Variants in CLTC observed in about 807,000 individuals in gnomAD.
CLTC encodes the protein clathrin heavy chain 1.
A neutral mutation model predicts 195.8 loss-of-function variants in CLTC; 16 were observed. That is an observed-to-expected ratio of 0.08 (90% CI 0.06 to 0.12). The LOEUF is 0.12. Among genes scored for constraint, CLTC ranks in the 10% least tolerant of loss-of-function variants. The probability of loss-of-function intolerance (pLI) is 1.00; values close to 1 mark genes in which losing one functional copy is unlikely to be tolerated. For missense variants in CLTC, 796 were observed against 2,027.0 expected (o/e 0.39, Z 11.66); for synonymous variants, 667 against 689.4 (o/e 0.97, Z 0.51).
At chr17:59,631,068 G>C (rs1407897259) in intron 1 of CLTC, among the ~76,000 whole-genome samples, 1 of 152,188 alleles carries the variant, frequency 6.6e-6, no homozygotes, top group African/African-American at 2.4e-5. Context: ...ACAGCTTTTT[G>C]GGGTGTTGGG....
intron 1 of CLTC, among the ~76,000 whole-genome samples, chr17:59,622,754 G>C (rs568092990): frequency 6.6e-6 from 1 of 152,262 alleles, no homozygotes; most frequent in East Asian, 1.9e-4. Context: ...AAAACTTTCT[G>C]AAACACGTAG....
rs760199279 is a variant in CLTC, at chr17:59,644,422, A to G, written c.189A>G (p.Arg63=). 12 of 1,614,190 alleles carry G rather than the reference A, an allele frequency of 7.4e-6. No individual in the cohort carries two copies. The South Asian group carries it at 1.3e-4, about 18-fold the overall frequency. Residue 63 remains arginine (R), a synonymous_variant, in exon 2 of 32, where the codon CGA becomes CGG. Coordinates refer to ENST00000269122, the MANE Select transcript of CLTC (RefSeq NM_004859.4). ...IDMNDPSNPI[R]RPISADSAIM... ...TGAATGACCCAAGTAATCCAATTCGAAGACCAATTTCAGCAGACAGCGCCA... is the reference window on the plus strand; with the variant it reads ...TGAATGACCCAAGTAATCCAATTCGGAGACCAATTTCAGCAGACAGCGCCA...
chr17:59,651,755 C>G (rs1030677827), intron 5 of CLTC, among the ~76,000 whole-genome samples: 2 of 152,198 alleles, frequency 1.3e-5, no homozygotes, highest in Non-Finnish European at 2.9e-5. Context: ...AGTCTTTTCT[C>G]AATGTCGATG....
intron 3 of CLTC, among the ~76,000 whole-genome samples, chr17:59,647,883 A>G (rs1196122796): frequency 6.6e-6 from 1 of 151,672 alleles, no homozygotes; most frequent in Non-Finnish European, 1.5e-5. Context: ...ATATAATTTC[A>G]GAATGCTCTT....
intron 5 of CLTC, among the ~76,000 whole-genome samples, chr17:59,651,939 G>T (rs1418697525): frequency 6.6e-6 from 1 of 152,212 alleles, no homozygotes; most frequent in Non-Finnish European, 1.5e-5. Flanking sequence ...ATTGGAGTCA[G>T]TTCTTTCAAA....
chr17:59,683,622 T>C lies in CLTC; in HGVS notation c.4192-3T>C. The C allele has an allele frequency of 6.2e-7, 1 of 1,614,058 alleles. No individual in the cohort carries two copies. The highest frequency in any genetic ancestry group is 8.5e-7 in the Non-Finnish European group (1 of 1,179,926). On this transcript the variant is annotated splice_polypyrimidine_tract_variant and splice_region_variant and intron_variant, in intron 26 of 31. Coordinates refer to ENST00000269122, the MANE Select transcript of CLTC (RefSeq NM_004859.4). This position sits in a 1 kb window ranked among gnomAD's most constrained non-coding sequence, Gnocchi z 6.1. ...GACTTATGTATGGATTTTCCCATTG[T>C]AGGTTGCCAATGTGGAACTATACTA...
chr17:59,641,853 A>G (rs2032045076), intron 1 of CLTC, among the ~76,000 whole-genome samples: 2 of 151,726 alleles, frequency 1.3e-5, no homozygotes, highest in Middle Eastern at 3.2e-3. Context: ...TATTTACCTT[A>G]TTTTTTAAAG....
chr17:59,673,898 T>TG, intron 15 of CLTC, 126 bp downstream of exon 15: 1 of 558,412 alleles, frequency 1.8e-6, no homozygotes, highest in East Asian at 3.1e-5. Context: ...TGGGATTTTT[T>TG]GTTTTTGTTT....
chr17:59,676,223 C>G (rs548547852), intron 16 of CLTC, among the ~76,000 whole-genome samples: 1 of 152,120 alleles, frequency 6.6e-6, no homozygotes, highest in Non-Finnish European at 1.5e-5. Flanking sequence ...GAGGCATGGT[C>G]ATCAGGACTA....
intron 31 of CLTC, among the ~76,000 whole-genome samples, chr17:59,692,871 C>CTA (rs2033339434): frequency 6.6e-6 from 1 of 152,120 alleles, no homozygotes; most frequent in African/African-American, 2.4e-5. Flanking sequence ...AACTCCTGAC[C>CTA]TAATGATCCA....
intron 6 of CLTC, 64 bp from the exon 7 acceptor site, chr17:59,660,327 A>C: frequency 2.8e-6 from 4 of 1,421,174 alleles, no homozygotes; most frequent in Non-Finnish European, 4.0e-6. Flanking sequence ...TGTTCTAAAC[A>C]GATTTGGTAT....
In CLTC at chr17:59,651,132, C is replaced by T. The variant is rs1012542548; in HGVS notation, c.682-71C>T. 3.2e-6 allele frequency: 3 copies of T among 926,056 alleles called. No homozygotes were observed. The Admixed American group carries it at 6.4e-5, about 20-fold the overall frequency. 57.4% of individuals were successfully genotyped at this position (926,056 alleles called of 1,614,324 possible). On this transcript the variant is annotated intron_variant, in intron 4 of 31. Transcript: ENST00000269122. ...CATGTTGGTTGTTTCCATTTGGGGG[C>T]TACAAATAAAGCTGCTGTGATCAAC...
intron 1 of CLTC, among the ~76,000 whole-genome samples, chr17:59,620,702 T>G (rs2031345601): frequency 7.2e-6 from 1 of 139,272 alleles, no homozygotes. Flanking sequence ...CCTTCTCCGG[T>G]GGTGGGGGTT....
intron 1 of CLTC, among the ~76,000 whole-genome samples, chr17:59,630,305 T>C (rs147698145): frequency 1.3e-5 from 2 of 152,204 alleles, no homozygotes; most frequent in African/African-American, 4.8e-5. Context: ...CCTGGCCTAA[T>C]TTTATAATTT....
In CLTC at chr17:59,696,685, AAGTT is replaced by A. The variant is rs928434269; in HGVS notation, c.*2838_*2841del. 9.6e-6 allele frequency: 2 copies of A among 209,022 alleles called. No individual in the cohort carries two copies. The highest frequency in any genetic ancestry group is 1.4e-4 in the East Asian group (2 of 13,800). The allele number at this position is 209,022 out of a possible 1,614,324, so 12.9% of individuals were successfully genotyped here. A position where few individuals can be genotyped will look rare whatever the true frequency, so the allele number is the denominator to read the frequency against. ...GGAAAAAAGGCACCCTTAATTGTCA[AAGTT>A]AGTTCTAGGAAAAAATACTAGCAGG... On this transcript the variant is annotated 3_prime_UTR_variant, in exon 32 of 32. Coordinates refer to ENST00000269122, the MANE Select transcript of CLTC (RefSeq NM_004859.4).
chr17:59,690,379 A>T (rs1185768180), intron 30 of CLTC: 1 of 357,748 alleles, frequency 2.8e-6, no homozygotes, highest in Non-Finnish European at 5.0e-6. Context: ...GCATCCTAGC[A>T]TGCCCAGTTT....
At chr17:59,687,130 A>G (rs990671112) in intron 30 of CLTC, 6 of 464,502 alleles carry the variant, frequency 1.3e-5, no homozygotes, top group African/African-American at 6.4e-5. Context: ...TTTCCCCCCA[A>G]TAAATTTTCA....
Position 59,682,966 on chromosome 17 carries a change from T to C in CLTC, c.3825T>C (p.His1275=). The change falls in exon 24 of 32, where the codon CAT becomes CAC. Residue 1275 remains histidine, a synonymous_variant. Transcript: ENST00000269122. This position sits in a 1 kb window ranked among gnomAD's most constrained non-coding sequence, Gnocchi z 6.8. ...GTCTTGCTCAGATGTGTGGACTTCA[T>C]ATTGTTGTACATGCAGATGAATTAG... ...EFRLAQMCGL[H]IVVHADELEE... is the part of the protein sequence containing the mutation. 1.2e-6 allele frequency: 2 copies of C among 1,614,200 alleles called. No homozygotes were observed. The highest frequency in any genetic ancestry group is 1.7e-6 in the Non-Finnish European group (2 of 1,180,010).
intron 1 of CLTC, among the ~76,000 whole-genome samples, chr17:59,627,671 A>G (rs2031592904): frequency 6.6e-6 from 1 of 152,162 alleles, no homozygotes; most frequent in Admixed American, 6.5e-5. Flanking sequence ...TTGAATGATT[A>G]TTTAGCTGTA....
Sources: gnomAD v4.1 joint callset for allele counts (sites outside exome capture counted in the v4.1 genomes callset) on GRCh38, gnomAD v4.1.1 for gene constraint, Gnocchi (gnomAD v3.1) non-coding constraint, MANE v1.5 for transcripts, NCBI Gene and HGNC (gene_info 2026-07-23, HGNC 2026-07-21) for gene names.